The following MACROD2 variants were observed in gnomAD, a reference collection of about 807,000 sequenced individuals.
MACROD2 encodes the protein ADP-ribose glycohydrolase MACROD2.
Under a neutral mutation model 70.4 loss-of-function variants are expected in MACROD2, and 36 were observed. The observed-to-expected ratio is 0.51, with a 90% confidence interval of 0.39 to 0.68. The LOEUF is 0.68. MACROD2 is among the 30% of genes least tolerant of loss of function. The probability of loss-of-function intolerance (pLI) is 0.00; values close to 1 mark genes in which losing one functional copy is unlikely to be tolerated. For missense variants in MACROD2, 496 were observed against 538.4 expected (o/e 0.92, Z 0.78); for synonymous variants, 172 against 178.8 (o/e 0.96, Z 0.30).
At chr20:14,385,562 C>T (rs2083460181) in intron 3 of MACROD2, among the ~76,000 whole-genome samples, 1 of 152,108 alleles carries the variant, frequency 6.6e-6, no homozygotes, top group Non-Finnish European at 1.5e-5. Context: ...CATAAAAGAA[C>T]TTTAAAGTTT....
chr20:15,413,393 TC>T (rs1381835639), intron 6 of MACROD2, among the ~76,000 whole-genome samples: 1 of 152,164 alleles, frequency 6.6e-6, no homozygotes, highest in Admixed American at 6.5e-5. Context: ...CTTAGTAATT[TC>T]CGAAGTTATT....
chr20:14,310,230 A>G (rs1043185854), intron 3 of MACROD2, among the ~76,000 whole-genome samples: 57 of 152,196 alleles, frequency 3.7e-4, no homozygotes, highest in Admixed American at 5.9e-4. Context: ...CCCGTTAACA[A>G]TGACAGCAGT....
chr20:15,678,791 G>A (rs2050115820), intron 8 of MACROD2, among the ~76,000 whole-genome samples: 1 of 121,396 alleles, frequency 8.2e-6, no homozygotes, highest in African/African-American at 3.2e-5. Flanking sequence ...GCACAGTGGT[G>A]TGTTGGGAAA....
chr20:15,119,042 T>G (rs2076011930), intron 5 of MACROD2, among the ~76,000 whole-genome samples: 1 of 152,192 alleles, frequency 6.6e-6, no homozygotes, highest in South Asian at 2.1e-4. Context: ...CTCTACCCTA[T>G]GTGAAAGGCT....
intron 4 of MACROD2, among the ~76,000 whole-genome samples, chr20:14,661,269 T>C (rs1321514303): frequency 6.6e-6 from 1 of 152,200 alleles, no homozygotes; most frequent in Non-Finnish European, 1.5e-5. Flanking sequence ...TCCTATCTCG[T>C]TGTGGTTTTG....
intron 2 of MACROD2, among the ~76,000 whole-genome samples, chr20:14,070,883 T>C (rs914222498): frequency 2.0e-5 from 3 of 152,194 alleles, no homozygotes; most frequent in Non-Finnish European, 2.9e-5. Flanking sequence ...GTGTGACGGC[T>C]AAGGGATCAT....
intron 8 of MACROD2, among the ~76,000 whole-genome samples, chr20:15,848,193 C>G (rs175809): frequency 0.75 from 114,247 of 152,052 alleles, 45,153 homozygotes; most frequent in South Asian, 0.96. Flanking sequence ...CTGTATCAAT[C>G]ACTCTCTCTC....
At position 15,393,630 on chromosome 20, in the gene MACROD2, C is replaced by T. The variant is rs556679231; in HGVS notation, c.541-37775C>T. Among the ~76,000 whole-genome samples, 8 of 152,216 alleles carry T rather than the reference C, an allele frequency of 5.3e-5. No homozygotes were observed. The East Asian group carries it at 7.7e-4, about 15-fold the overall frequency. Reference sequence around the variant, plus strand: ...TCTTATTCAATTTCATTTCAATGTCCGCTGTTAGTTTAATGTACTATCTTG... The same window carrying T: ...TCTTATTCAATTTCATTTCAATGTCTGCTGTTAGTTTAATGTACTATCTTG... On this transcript the variant is annotated intron_variant, in intron 6 of 17. Transcript: ENST00000684519.
intron 13 of MACROD2, among the ~76,000 whole-genome samples, chr20:15,975,783 G>T (rs1420055099): frequency 6.6e-6 from 1 of 152,032 alleles, no homozygotes; most frequent in African/African-American, 2.4e-5. Flanking sequence ...GTATCCATAA[G>T]GAAATTGCAT....
chr20:15,425,282 G>C (rs1385581698), intron 6 of MACROD2, among the ~76,000 whole-genome samples: 2 of 152,216 alleles, frequency 1.3e-5, no homozygotes, highest in African/African-American at 4.8e-5. Context: ...AGAGGAAGAT[G>C]TGCTTAAAAA....
intron 7 of MACROD2, among the ~76,000 whole-genome samples, chr20:15,440,032 A>G (rs2146372789): frequency 6.6e-6 from 1 of 152,176 alleles, no homozygotes; most frequent in East Asian, 1.9e-4. Flanking sequence ...TAATGCTAAT[A>G]AATTTAACAA....
At chr20:14,276,090 C>T (rs1209552861) in intron 3 of MACROD2, among the ~76,000 whole-genome samples, 2 of 151,722 alleles carry the variant, frequency 1.3e-5, no homozygotes, top group African/African-American at 2.4e-5. Context: ...GGATCTAGAA[C>T]TAGAAATACC....
intron 8 of MACROD2, among the ~76,000 whole-genome samples, chr20:15,801,362 T>C (rs1489692915): frequency 2.6e-5 from 4 of 151,880 alleles, no homozygotes; most frequent in Non-Finnish European, 5.9e-5. Flanking sequence ...AGGGCAGGTA[T>C]GACCGTCACA....
rs1413097769 is a variant in MACROD2, at chr20:16,044,652, T to C, written c.1300+13T>C. ...GATCAACTAATAGGTAAGATGCCCC[T>C]TGTGGTGAGATTTTCAATGATCAAC... On this transcript the variant is annotated intron_variant, in intron 17 of 17. Transcript: ENST00000684519. The C allele has an allele frequency of 6.2e-6, 10 of 1,606,766 alleles. No individual in the cohort carries two copies. In the South Asian group the frequency reaches 1.1e-4, roughly 18 times the overall value.
intron 3 of MACROD2, among the ~76,000 whole-genome samples, chr20:14,436,408 A>C (rs2084056854): frequency 6.6e-6 from 1 of 152,096 alleles, no homozygotes; most frequent in African/African-American, 2.4e-5. Flanking sequence ...CCTGCTTCCC[A>C]CCTTTTCCGA....
At chr20:15,463,008 C>G (rs1323309871) in intron 7 of MACROD2, among the ~76,000 whole-genome samples, 1 of 152,200 alleles carries the variant, frequency 6.6e-6, no homozygotes, top group Non-Finnish European at 1.5e-5. Flanking sequence ...TTAACTACAA[C>G]TAATGTATAC....
chr20:14,281,244 AAATG>A (rs1416272094), intron 3 of MACROD2, among the ~76,000 whole-genome samples: 3 of 152,198 alleles, frequency 2.0e-5, no homozygotes, highest in African/African-American at 7.2e-5. Flanking sequence ...TTGCCCATAA[AAATG>A]AATGAAGTAC....
chr20:15,260,298 A>G (rs1654498267), intron 6 of MACROD2, among the ~76,000 whole-genome samples: 2 of 148,528 alleles, frequency 1.3e-5, no homozygotes, highest in Non-Finnish European at 3.0e-5. Flanking sequence ...ACTTCCTTTC[A>G]TAGCTTCTGG....
intron 4 of MACROD2, among the ~76,000 whole-genome samples, chr20:14,528,095 A>G (rs535139941): frequency 6.6e-6 from 1 of 150,822 alleles, no homozygotes; most frequent in East Asian, 2.0e-4. Context: ...ACCTTTAATA[A>G]GCCCCACTGT....
Sources: gnomAD v4.1 joint callset for allele counts (sites outside exome capture counted in the v4.1 genomes callset) on GRCh38, gnomAD v4.1.1 for gene constraint, MANE v1.5 for transcripts, NCBI Gene and HGNC (gene_info 2026-07-23, HGNC 2026-07-21) for gene names.